RBFOX1: variants seen among roughly 807,000 people sequenced by gnomAD.
RBFOX1 encodes RNA binding fox-1 homolog 1.
RBFOX1 carries 8 observed loss-of-function variants against 57.7 expected under a neutral mutation model. The ratio of observed to expected loss-of-function variants is 0.14; its 90% CI spans 0.08 to 0.25. The LOEUF is 0.25. Ranked by LOEUF, RBFOX1 falls within the 10% of genes least tolerant of loss-of-function variation. The probability of loss-of-function intolerance (pLI) is 1.00; values close to 1 mark genes in which losing one functional copy is unlikely to be tolerated. For missense variants in RBFOX1, 611 were observed against 548.5 expected, an observed-to-expected ratio of 1.11 and a Z score of -1.14; for synonymous variants, 326 against 222.4, an observed-to-expected ratio of 1.47 and a Z score of -4.15.
At chr16:5,968,272 A>G (rs2059890764) in intron 4 of RBFOX1, among the ~76,000 whole-genome samples, 2 of 151,884 alleles carry the variant, frequency 1.3e-5, no homozygotes, top group Non-Finnish European at 2.9e-5. Context: ...ATGGGGTTTC[A>G]CCATGTTGGC....
Position 6,810,491 on chromosome 16 carries a change from G to A in RBFOX1, c.-16+155841G>A, listed in dbSNP as rs1719345487. On this transcript the variant is annotated intron_variant, in intron 3 of 15. Transcript: ENST00000550418. ...TTTCCGTTCATGGCACCGTTCATGA[G>A]TCTTGATTCTGTGAATGTCCCCATA... Among the ~76,000 whole-genome samples, 2 of 152,084 alleles carry A rather than the reference G, an allele frequency of 1.3e-5. 1 individual carries two copies. Among genetic ancestry groups the A allele is most frequent in the Non-Finnish European group, 2.9e-5 (2 of 68,032 alleles).
chr16:6,257,110 T>C (rs2097672682), intron 1 of RBFOX1, among the ~76,000 whole-genome samples: 2 of 152,124 alleles, frequency 1.3e-5, no homozygotes, highest in Non-Finnish European at 2.9e-5. Flanking sequence ...ATTTTTCTTT[T>C]TTTAATTTCA....
At chr16:7,591,163 G>A (rs1159450702) in intron 7 of RBFOX1, among the ~76,000 whole-genome samples, 3 of 152,142 alleles carry the variant, frequency 2.0e-5, no homozygotes, top group African/African-American at 7.2e-5. Context: ...GAATTTCCCA[G>A]GGAGGGGAAA....
At chr16:7,360,968 C>G (rs1311106860) in intron 4 of RBFOX1, among the ~76,000 whole-genome samples, 1 of 152,198 alleles carries the variant, frequency 6.6e-6, no homozygotes, top group East Asian at 1.9e-4. Flanking sequence ...CAAAGGCAAC[C>G]TGAGTCCTCA....
At chr16:7,395,588 A>G (rs2098126719) in intron 4 of RBFOX1, among the ~76,000 whole-genome samples, 1 of 152,172 alleles carries the variant, frequency 6.6e-6, no homozygotes, top group Non-Finnish European at 1.5e-5. Flanking sequence ...GGCGAGACAA[A>G]AGCTTATTAC....
intron 3 of RBFOX1, among the ~76,000 whole-genome samples, chr16:5,838,975 A>G (rs2056544713): frequency 6.6e-6 from 1 of 152,154 alleles, no homozygotes. Flanking sequence ...ACATTTGGCA[A>G]TATCTGAAAG....
chr16:6,101,707 A>G (rs1012645691), intron 1 of RBFOX1, among the ~76,000 whole-genome samples: 6 of 152,144 alleles, frequency 3.9e-5, no homozygotes, highest in African/African-American at 1.4e-4. Flanking sequence ...GGATCACCTG[A>G]GGTCAGGAAT....
At chr16:6,845,163 C>T (rs527848368) in intron 3 of RBFOX1, among the ~76,000 whole-genome samples, 165 of 152,176 alleles carry the variant, frequency 1.1e-3, no homozygotes, top group Admixed American at 2.6e-3. Flanking sequence ...TTTTTCTGCA[C>T]AGAAGCTCTT....
chr16:7,658,741 T>C (rs2066946443), intron 12 of RBFOX1, among the ~76,000 whole-genome samples: 1 of 152,192 alleles, frequency 6.6e-6, no homozygotes. Context: ...TGAGTTATTT[T>C]TGAGATGGAG....
intron 4 of RBFOX1, among the ~76,000 whole-genome samples, chr16:7,115,037 C>A (rs1051450127): frequency 3.9e-5 from 6 of 152,292 alleles, no homozygotes; most frequent in Middle Eastern, 3.4e-3. Flanking sequence ...GCTTCTTCAC[C>A]TTCTTCAACT....
chr16:5,762,787 T>C (rs1486589779), intron 3 of RBFOX1, among the ~76,000 whole-genome samples: 1 of 152,202 alleles, frequency 6.6e-6, no homozygotes, highest in African/African-American at 2.4e-5. Context: ...AATTCTGTCA[T>C]TTACATAGGT....
intron 3 of RBFOX1, among the ~76,000 whole-genome samples, chr16:6,744,965 A>T (rs1049558484): frequency 5.9e-5 from 9 of 152,066 alleles, no homozygotes; most frequent in Non-Finnish European, 1.3e-4. Flanking sequence ...TAAGGAGAAG[A>T]TACAAATTAC....
intron 4 of RBFOX1, among the ~76,000 whole-genome samples, chr16:7,172,266 AC>A (rs2080847746): frequency 6.6e-6 from 1 of 152,050 alleles, no homozygotes; most frequent in Non-Finnish European, 1.5e-5. Context: ...GGGTTTTCAA[AC>A]CCCATCAAAA....
chr16:5,278,872 C>G (rs1386268643), intron 1 of RBFOX1, among the ~76,000 whole-genome samples: 1 of 152,138 alleles, frequency 6.6e-6, no homozygotes, highest in African/African-American at 2.4e-5. Flanking sequence ...ATGTTCTTGA[C>G]ACCTTTCTTG....
At chr16:6,539,073 C>T (rs889568919) in intron 2 of RBFOX1, among the ~76,000 whole-genome samples, 4 of 151,528 alleles carry the variant, frequency 2.6e-5, no homozygotes, top group Admixed American at 1.3e-4. Flanking sequence ...GCTGTCTCTG[C>T]AAGGCTGACT....
chr16:5,382,676 C>G (rs1265437512), intron 1 of RBFOX1, among the ~76,000 whole-genome samples: 1 of 152,190 alleles, frequency 6.6e-6, no homozygotes, highest in East Asian at 1.9e-4. Flanking sequence ...TGAAATTGTG[C>G]TGACCTCATT....
chr16:6,600,644 A>T (rs1017351703), intron 2 of RBFOX1, among the ~76,000 whole-genome samples: 1 of 152,236 alleles, frequency 6.6e-6, no homozygotes, highest in Non-Finnish European at 1.5e-5. Flanking sequence ...TGGACGGGAC[A>T]CATCTGAATC....
chr16:7,666,881 G>GGGTGCAGC (rs1446694149), intron 13 of RBFOX1, among the ~76,000 whole-genome samples: 1 of 152,150 alleles, frequency 6.6e-6, no homozygotes, highest in African/African-American at 2.4e-5. Context: ...CAAGCCCACT[G>GGGTGCAGC]GGTGCAGCGG....
chr16:7,249,342 C>G (rs1407558793), intron 4 of RBFOX1, among the ~76,000 whole-genome samples: 1 of 151,982 alleles, frequency 6.6e-6, no homozygotes, highest in Non-Finnish European at 1.5e-5. Flanking sequence ...ATAGGAGGAG[C>G]CTGGAGGACA....
Sources: allele counts gnomAD v4.1 joint callset (sites outside exome capture counted in the v4.1 genomes callset), GRCh38; gene constraint gnomAD v4.1.1; transcripts MANE v1.5; gene names NCBI Gene and HGNC (gene_info 2026-07-23, HGNC 2026-07-21).